The following MSI2 variants were observed in gnomAD, a reference collection of about 807,000 sequenced individuals.
MSI2 encodes RNA-binding protein Musashi homolog 2.
In MSI2, 17 loss-of-function variants were observed where a neutral mutation model predicts 45.6. That is an observed-to-expected ratio of 0.37 (90% CI 0.26 to 0.56). The LOEUF is 0.56. Ranked by LOEUF, MSI2 falls within the 20% of genes least tolerant of loss-of-function variation. The pLI, the probability that MSI2 is intolerant of heterozygous loss-of-function variation, is 0.77. For missense variants in MSI2, 293 were observed against 444.2 expected (o/e 0.66, Z 3.06); for synonymous variants, 156 against 158.2 (o/e 0.99, Z 0.11).
At chr17:57,575,069 A>C (rs1229806393) in intron 7 of MSI2, among the ~76,000 whole-genome samples, 2 of 151,608 alleles carry the variant, frequency 1.3e-5, no homozygotes, top group African/African-American at 4.9e-5. Context: ...TGACCTCGTG[A>C]TCCGCCCACC....
chr17:57,332,984 C>A (rs1426631055), intron 5 of MSI2, among the ~76,000 whole-genome samples: 2 of 152,014 alleles, frequency 1.3e-5, no homozygotes, highest in Non-Finnish European at 2.9e-5. Flanking sequence ...GAGATCATGC[C>A]ACTGCACTCC....
intron 10 of MSI2, among the ~76,000 whole-genome samples, chr17:57,643,663 A>C (rs1037966699): frequency 5.9e-5 from 9 of 152,264 alleles, no homozygotes; most frequent in African/African-American, 1.9e-4. Context: ...ATCCAGTCAG[A>C]GGTGTCCTGA....
intron 6 of MSI2, among the ~76,000 whole-genome samples, chr17:57,504,909 C>T (rs2086194453): frequency 2.1e-5 from 3 of 141,108 alleles, no homozygotes; most frequent in African/African-American, 8.0e-5. Context: ...CCAGCCTGGG[C>T]AACAAAAGCG....
intron 7 of MSI2, among the ~76,000 whole-genome samples, chr17:57,545,848 C>T (rs1172763979): frequency 3.3e-5 from 5 of 151,830 alleles, no homozygotes; most frequent in East Asian, 3.9e-4. Flanking sequence ...GATGATCTTT[C>T]GTGGGAATAA....
chr17:57,590,625 A>G (rs1161648379), intron 7 of MSI2, among the ~76,000 whole-genome samples: 1 of 152,144 alleles, frequency 6.6e-6, no homozygotes, highest in Non-Finnish European at 1.5e-5. Context: ...CCCTATTAAT[A>G]TCCATTTTTA....
intron 5 of MSI2, among the ~76,000 whole-genome samples, chr17:57,381,099 A>ACTCT (rs2083590427): frequency 6.6e-6 from 1 of 151,750 alleles, no homozygotes; most frequent in Non-Finnish European, 1.5e-5. Flanking sequence ...ACTGGGTCTT[A>ACTCT]CTCTGTTGCC....
intron 11 of MSI2, among the ~76,000 whole-genome samples, chr17:57,671,951 G>T (rs1172780877): frequency 6.6e-6 from 1 of 152,188 alleles, no homozygotes; most frequent in Non-Finnish European, 1.5e-5. Context: ...GAGAAGTGTC[G>T]ACTGTGGAAA....
At chr17:57,484,681 C>T (rs2085716960) in intron 6 of MSI2, among the ~76,000 whole-genome samples, 1 of 152,136 alleles carries the variant, frequency 6.6e-6, no homozygotes, top group Admixed American at 6.5e-5. Context: ...GTGCTTGGAC[C>T]CTCTGTGGAG....
chr17:57,539,121 T>G (rs1004253883), intron 7 of MSI2, among the ~76,000 whole-genome samples: 1 of 152,096 alleles, frequency 6.6e-6, no homozygotes, highest in African/African-American at 2.4e-5. Flanking sequence ...GGGAAGAGAA[T>G]TAAGCAACCT....
At chr17:57,502,222 A>G (rs561370330) in intron 6 of MSI2, among the ~76,000 whole-genome samples, 1 of 152,156 alleles carries the variant, frequency 6.6e-6, no homozygotes, top group Non-Finnish European at 1.5e-5. Context: ...TGCACCTGGC[A>G]TTTCACACTT....
rs560089833 is a variant in MSI2, at chr17:57,554,209, T to A, written c.454+24485T>A. On this transcript the variant is annotated intron_variant, in intron 7 of 13. Transcript: ENST00000284073. The stretch of plus-strand genomic sequence containing the variant: ...CGACACCAAGTATTGCTAAGAAGAG[T>A]CCTTAGGATCAAGAGTTTGGGGCGG... Among the ~76,000 whole-genome samples, 4 of 146,400 alleles carry A rather than the reference T, an allele frequency of 2.7e-5. 1 individual carries two copies. In the East Asian group the frequency reaches 6.0e-4, roughly 22 times the overall value.
intron 5 of MSI2, among the ~76,000 whole-genome samples, chr17:57,289,802 C>T (rs961722991): frequency 6.6e-6 from 1 of 152,236 alleles, no homozygotes; most frequent in Non-Finnish European, 1.5e-5. Flanking sequence ...TGCCCGGCAG[C>T]CCGGTGCACC....
At chr17:57,613,087 T>C (rs1313873139) in intron 8 of MSI2, among the ~76,000 whole-genome samples, 1 of 152,196 alleles carries the variant, frequency 6.6e-6, no homozygotes, top group Non-Finnish European at 1.5e-5. Context: ...CTACCTGCAA[T>C]GACAATATTC....
chr17:57,521,043 T>C (rs2086573364), intron 6 of MSI2, among the ~76,000 whole-genome samples: 1 of 152,132 alleles, frequency 6.6e-6, no homozygotes, highest in Non-Finnish European at 1.5e-5. Context: ...TAAACAGGCT[T>C]TCAGATGGAT....
At chr17:57,584,481 T>C (rs542964445) in intron 7 of MSI2, among the ~76,000 whole-genome samples, 1 of 152,120 alleles carries the variant, frequency 6.6e-6, no homozygotes, top group African/African-American at 2.4e-5. Context: ...GACCCCCCTG[T>C]GGGGGGCGCG....
rs113110891 is a variant in MSI2, at chr17:57,529,416, A to G, written c.406-260A>G. On this transcript the variant is annotated intron_variant, in intron 6 of 13. Transcript: ENST00000284073. This position sits in a 1 kb window ranked among gnomAD's most constrained non-coding sequence, Gnocchi z 5.3. ...GTGCCACTGCACTCTAGCCTGGGTG[A>G]CAGAGTGAGACCCTGTCTCAAAAAA... Among the ~76,000 whole-genome samples, 309 of 152,348 alleles carry G rather than the reference A, an allele frequency of 2.0e-3. 2 individuals are homozygous for G. Among genetic ancestry groups the G allele is most frequent in the Non-Finnish European group, 3.3e-3 (227 of 68,032 alleles).
intron 5 of MSI2, among the ~76,000 whole-genome samples, chr17:57,337,708 C>G (rs1914791533): frequency 6.6e-6 from 1 of 152,216 alleles, no homozygotes; most frequent in Admixed American, 6.5e-5. Flanking sequence ...CAAGCCAAAA[C>G]AGCGGCTGCT....
At chr17:57,376,369 G>T (rs889821358) in intron 5 of MSI2, among the ~76,000 whole-genome samples, 1 of 152,182 alleles carries the variant, frequency 6.6e-6, no homozygotes, top group African/African-American at 2.4e-5. Context: ...ACCCTATCCC[G>T]GTCTGGATCC....
At position 57,517,306 on chromosome 17, in the gene MSI2, G is replaced by A. The variant is rs535326383; in HGVS notation, c.406-12370G>A. 2.0e-5 allele frequency among the ~76,000 whole-genome samples: 3 copies of A among 152,302 alleles called. No individual in the cohort carries two copies. In the East Asian group the frequency reaches 5.8e-4, roughly 29 times the overall value. ...AGGAACTTCCTTGGATGTCATCAAA[G>A]CCCCATGAAGAAACTCTGGGGCTGA... On this transcript the variant is annotated intron_variant, in intron 6 of 13. Transcript: ENST00000284073.
Sources: gnomAD v4.1 joint callset for allele counts (sites outside exome capture counted in the v4.1 genomes callset) on GRCh38, gnomAD v4.1.1 for gene constraint, Gnocchi (gnomAD v3.1) non-coding constraint, MANE v1.5 for transcripts, NCBI Gene and HGNC (gene_info 2026-07-23, HGNC 2026-07-21) for gene names.